CPN1: variants seen among roughly 807,000 people sequenced by gnomAD.
The protein encoded by CPN1 is carboxypeptidase N subunit 1.
Under a neutral mutation model 46.4 loss-of-function variants are expected in CPN1, and 37 were observed. The observed-to-expected ratio is 0.80, with a 90% confidence interval of 0.61 to 1.05. CPN1 has a LOEUF of 1.05. Among genes scored for constraint, CPN1 ranks in the 50% least tolerant of loss-of-function variants. CPN1 has a pLI of 0.00. For synonymous variants in CPN1, 224 were observed against 235.4 expected (o/e 0.95, Z 0.44); for missense variants, 563 against 602.6 (o/e 0.93, Z 0.69).
At chr10:100,058,532 A>C (rs979423667) in intron 5 of CPN1, among the ~76,000 whole-genome samples, 1 of 152,172 alleles carries the variant, frequency 6.6e-6, no homozygotes, top group African/African-American at 2.4e-5. Context: ...TATGTTTCTC[A>C]TTATTAGGAT....
intron 6 of CPN1, among the ~76,000 whole-genome samples, chr10:100,056,522 T>C (rs1041824489): frequency 6.6e-6 from 1 of 152,180 alleles, no homozygotes; most frequent in African/African-American, 2.4e-5. Context: ...TCACAGCATA[T>C]AGTACAGTTT....
At chr10:100,056,731 T>A (rs956330183) in intron 6 of CPN1, among the ~76,000 whole-genome samples, 1 of 151,454 alleles carries the variant, frequency 6.6e-6, no homozygotes, top group Non-Finnish European at 1.5e-5. Context: ...TTTTTTTTTT[T>A]AGTAGACATG....
intron 2 of CPN1, among the ~76,000 whole-genome samples, chr10:100,070,272 AG>A (rs1466975807): frequency 2.0e-5 from 3 of 151,834 alleles, no homozygotes; most frequent in African/African-American, 7.3e-5. Context: ...ACTTGAGGTC[AG>A]AAGTTCAAGA....
At chr10:100,078,904 G>C (rs2041529512) in intron 1 of CPN1, among the ~76,000 whole-genome samples, 1 of 152,162 alleles carries the variant, frequency 6.6e-6, no homozygotes, top group Non-Finnish European at 1.5e-5. Flanking sequence ...CTCCTCTCTT[G>C]CTCTCCCCTC....
chr10:100,081,815 T>G lies in CPN1; in HGVS notation c.-190A>C. The G allele has an allele frequency of 1.6e-6, 1 of 634,066 alleles. No individual in the cohort carries two copies. Among genetic ancestry groups the G allele is most frequent in the Non-Finnish European group, 2.9e-6 (1 of 347,812 alleles). The allele number at this position is 634,066 out of a possible 1,614,324, so 39.3% of individuals were successfully genotyped here. On this transcript the variant is annotated 5_prime_UTR_variant, in exon 1 of 9. It removes an upstream start codon present in the reference 5' UTR. Transcript: ENST00000370418. ...TATGTCGTTCTGGAATAGCCACTCA[T>G]CTCTCCTCCCTCACTCCCTTTCTTT...
chr10:100,079,043 C>T (rs991577780), intron 1 of CPN1, among the ~76,000 whole-genome samples: 1 of 152,260 alleles, frequency 6.6e-6, no homozygotes, highest in Non-Finnish European at 1.5e-5. Flanking sequence ...ACGGCATGTG[C>T]CATCACACCC....
chr10:100,065,533 C>T, intron 3 of CPN1, 163 bp from the exon 4 acceptor site: 1 of 728,916 alleles, frequency 1.4e-6, no homozygotes, highest in Non-Finnish European at 2.2e-6. Flanking sequence ...AAATGTTGAC[C>T]TTTGGAATGA....
intron 8 of CPN1, among the ~76,000 whole-genome samples, chr10:100,047,663 A>G (rs1422898958): frequency 6.6e-6 from 1 of 152,174 alleles, no homozygotes; most frequent in Admixed American, 6.6e-5. Flanking sequence ...TACACGTTAA[A>G]TAAATTGGTA....
At chr10:100,080,404 TAC>T (rs2041538016) in intron 1 of CPN1, among the ~76,000 whole-genome samples, 1 of 152,234 alleles carries the variant, frequency 6.6e-6, no homozygotes, top group South Asian at 2.1e-4. Context: ...GCAGTTATAA[TAC>T]AATTTCATTT....
At chr10:100,065,063 C>T (rs952477630) in intron 4 of CPN1, 125 bp downstream of exon 4, 1 of 1,187,876 alleles carries the variant, frequency 8.4e-7, no homozygotes, top group Non-Finnish European at 1.2e-6. Context: ...AAGCTCCTCA[C>T]AAACAAGCGG....
chr10:100,069,403 C>G (rs1430329069), intron 3 of CPN1, among the ~76,000 whole-genome samples: 1 of 151,772 alleles, frequency 6.6e-6, no homozygotes, highest in East Asian at 1.9e-4. Context: ...ATCTCTTGGA[C>G]CTGGGAGGCG....
chr10:100,078,128 C>T (rs2041525726), intron 1 of CPN1, among the ~76,000 whole-genome samples: 1 of 152,022 alleles, frequency 6.6e-6, no homozygotes, highest in Non-Finnish European at 1.5e-5. Flanking sequence ...TCAGGATAGC[C>T]TCTCGAATTT....
At chr10:100,079,687 G>T (rs973703336) in intron 1 of CPN1, among the ~76,000 whole-genome samples, 1 of 152,232 alleles carries the variant, frequency 6.6e-6, no homozygotes, top group Non-Finnish European at 1.5e-5. Flanking sequence ...CCAGTCCATT[G>T]AGTGTGAGGC....
At chr10:100,050,074 C>A (rs892961785) in intron 7 of CPN1, among the ~76,000 whole-genome samples, 1 of 152,120 alleles carries the variant, frequency 6.6e-6, no homozygotes, top group Non-Finnish European at 1.5e-5. Flanking sequence ...CTACTGAGGC[C>A]AGGTGCGGTG....
intron 7 of CPN1, among the ~76,000 whole-genome samples, chr10:100,052,586 C>T (rs985083905): frequency 1.3e-5 from 2 of 151,918 alleles, no homozygotes; most frequent in Non-Finnish European, 2.9e-5. Context: ...TAAAATCTAG[C>T]AAAAGCCAGG....
chr10:100,080,759 G>T (rs887985804), intron 1 of CPN1, among the ~76,000 whole-genome samples: 7 of 152,068 alleles, frequency 4.6e-5, no homozygotes, highest in Non-Finnish European at 1.0e-4. Flanking sequence ...CGGGCGTATT[G>T]GTGCATGCCT....
chr10:100,061,507 G>A (rs2041417930), intron 5 of CPN1, among the ~76,000 whole-genome samples: 1 of 152,202 alleles, frequency 6.6e-6, no homozygotes, highest in African/African-American at 2.4e-5. Context: ...GTACGAGGTG[G>A]GGTACCACTT....
chr10:100,065,556 T>C (rs965268667), intron 3 of CPN1, among the ~76,000 whole-genome samples, 186 bp from the exon 4 acceptor site: 2 of 152,194 alleles, frequency 1.3e-5, no homozygotes, highest in Admixed American at 6.5e-5. Flanking sequence ...GTTTCAACAA[T>C]GGCGTGTATA....
chr10:100,058,992 G>C (rs991453727), intron 5 of CPN1, among the ~76,000 whole-genome samples: 36 of 152,108 alleles, frequency 2.4e-4, no homozygotes, highest in African/African-American at 8.4e-4. Flanking sequence ...AAATGCAAAA[G>C]AATGAAGCTG....
Sources: gnomAD v4.1 joint callset for allele counts (sites outside exome capture counted in the v4.1 genomes callset) on GRCh38, gnomAD v4.1.1 for gene constraint, MANE v1.5 for transcripts, NCBI Gene and HGNC (gene_info 2026-07-23, HGNC 2026-07-21) for gene names.